The following RANBP1 variants were observed in gnomAD, a reference collection of about 807,000 sequenced individuals.
The protein encoded by RANBP1 is RAN binding protein 1.
Under a neutral mutation model 31.4 loss-of-function variants are expected in RANBP1, and 16 were observed. The ratio of observed to expected loss-of-function variants is 0.51; its 90% CI spans 0.34 to 0.77. The LOEUF (loss-of-function observed/expected upper bound fraction) is 0.77, where lower values mean the gene tolerates loss of function less well. Ranked by LOEUF, RANBP1 falls within the 30% of genes least tolerant of loss-of-function variation. The probability of loss-of-function intolerance (pLI) is 0.01; values close to 1 mark genes in which losing one functional copy is unlikely to be tolerated. For synonymous variants in RANBP1, 129 were observed against 140.5 expected, an observed-to-expected ratio of 0.92 and a Z score of 0.58; for missense variants, 265 against 362.0, an observed-to-expected ratio of 0.73 and a Z score of 2.17.
chr22:20,117,097 C>T (rs2050050865), intron 1 of RANBP1: 3 of 727,850 alleles, frequency 4.1e-6, no homozygotes, highest in East Asian at 5.5e-5. Flanking sequence ...GGACTCGAAC[C>T]TGCGATGCTC....
At chr22:20,117,792 C>G (rs2050073330) in intron 1 of RANBP1, 2 of 1,038,250 alleles carry the variant, frequency 1.9e-6, no homozygotes, top group African/African-American at 1.7e-5. Flanking sequence ...TCTGCTGGGC[C>G]TCGGTGGCGC....
rs758153400 is a variant in RANBP1, at chr22:20,127,127, G to A, written c.*75G>A. The A allele has an allele frequency of 5.2e-5, 66 of 1,261,342 alleles. No individual in the cohort carries two copies. The highest frequency in any genetic ancestry group is 5.9e-5 in the South Asian group (4 of 67,306). 78.1% of individuals were successfully genotyped at this position (1,261,342 alleles called of 1,614,324 possible). On this transcript the variant is annotated 3_prime_UTR_variant, in exon 6 of 6. Coordinates refer to ENST00000430524, the MANE Select transcript of RANBP1 (RefSeq NM_001278639.2). ...AAATTTTACCCTGCCCCTCTTTTTC[G>A]GTTTGTTTTTATTCTTTCATTTTTA...
intron 2 of RANBP1, chr22:20,119,527 CTGT>C (rs763330923): frequency 7.8e-4 from 172 of 221,538 alleles, no homozygotes; most frequent in Middle Eastern, 3.7e-3. Flanking sequence ...CACCCGGTGT[CTGT>C]TGTTGTTGTT....
At chr22:20,126,655 G>C in intron 5 of RANBP1, 1 of 1,513,674 alleles carries the variant, frequency 6.6e-7, no homozygotes, top group Non-Finnish European at 8.9e-7. Context: ...TTGTCTCTCA[G>C]AGGGCTTGGT....
intron 1 of RANBP1, among the ~76,000 whole-genome samples, chr22:20,118,751 C>T (rs1454798679): frequency 6.6e-6 from 1 of 152,230 alleles, no homozygotes; most frequent in African/African-American, 2.4e-5. Flanking sequence ...TCAGTCTGTG[C>T]ACAGATCTGA....
At chr22:20,125,731 T>A in intron 4 of RANBP1, 1 of 1,156,430 alleles carries the variant, frequency 8.6e-7, no homozygotes, top group Admixed American at 3.4e-5. Context: ...TCCCATTAGT[T>A]GTTGCGGAGC....
At chr22:20,121,540 G>A (rs944265690) in intron 2 of RANBP1, among the ~76,000 whole-genome samples, 1 of 149,590 alleles carries the variant, frequency 6.7e-6, no homozygotes, top group Non-Finnish European at 1.5e-5. Context: ...GGGCCACTGT[G>A]CCCTGTTTTG....
intron 1 of RANBP1, chr22:20,116,921 T>C: frequency 6.3e-7 from 1 of 1,592,028 alleles, no homozygotes. Flanking sequence ...CAGGCGGTTC[T>C]CCGCCTAGAC....
At chr22:20,118,252 C>T (rs899963366) in intron 1 of RANBP1, 1 of 1,002,534 alleles carries the variant, frequency 1.0e-6, no homozygotes. Context: ...CTTATGTTTT[C>T]TTTTCCAGTT....
intron 2 of RANBP1, among the ~76,000 whole-genome samples, 168 bp from the exon 3 acceptor site, chr22:20,122,096 T>G (rs1306352185): frequency 5.9e-5 from 9 of 152,138 alleles, no homozygotes; most frequent in Non-Finnish European, 1.2e-4. Flanking sequence ...GTTGGGCTGC[T>G]GCGCTTTCTG....
At chr22:20,120,508 C>A (rs188581171) in intron 2 of RANBP1, among the ~76,000 whole-genome samples, 2 of 152,190 alleles carry the variant, frequency 1.3e-5, no homozygotes, top group Non-Finnish European at 2.9e-5. Flanking sequence ...TGTTGGGGAA[C>A]CCTGTGAGAC....
At chr22:20,116,834 CTCCT>C in intron 1 of RANBP1, 1 of 1,534,920 alleles carries the variant, frequency 6.5e-7, no homozygotes, top group Non-Finnish European at 8.9e-7. Flanking sequence ...CCCACCCCGC[CTCCT>C]CCCACCCCAT....
At chr22:20,116,533 G>T in intron 1 of RANBP1, 103 bp downstream of exon 1, 1 of 1,603,702 alleles carries the variant, frequency 6.2e-7, no homozygotes. Flanking sequence ...GGCTGCCGGG[G>T]CTGCAGGGGG....
intron 3 of RANBP1, chr22:20,124,848 C>T (rs1267328564): frequency 5.5e-6 from 1 of 181,218 alleles, no homozygotes; most frequent in Admixed American, 6.2e-5. Context: ...GCCCCCTGGG[C>T]CTTGTGCCCT....
rs756998095 is a variant in RANBP1, at chr22:20,122,294, G to C, written c.414G>C (p.Glu138Asp). The C allele has an allele frequency of 7.4e-6, 12 of 1,613,116 alleles. No individual in the cohort carries two copies. The South Asian group carries it at 1.3e-4, about 18-fold the overall frequency. Residue 138 changes from glutamate to aspartate, a missense_variant, in exon 3 of 6, where the codon GAG (glutamate) becomes GAC (aspartate). Physicochemically the swap from Glu to Asp is conservative, Grantham distance 45. Coordinates refer to ENST00000430524, the MANE Select transcript of RANBP1 (RefSeq NM_001278639.2). Reference protein sequence around the residue: ...MRAKLFRFASENDLPEWKERG... With the variant: ...MRAKLFRFASDNDLPEWKERG... ...CAAAACTGTTCCGATTTGCCTCTGA[G>C]AACGATCTCCCAGAATGGAAGGAGC...
At chr22:20,126,706 T>C (rs1440005670) in intron 5 of RANBP1, 1 of 1,490,224 alleles carries the variant, frequency 6.7e-7, no homozygotes, top group Admixed American at 2.0e-5. Flanking sequence ...TGGTGGCAAG[T>C]GACCAGATGT....
chr22:20,126,923 T>C, intron 5 of RANBP1, 29 bp from the exon 6 acceptor site: 4 of 1,606,948 alleles, frequency 2.5e-6, no homozygotes, highest in Non-Finnish European at 3.4e-6. Context: ...CGTGCTTCTG[T>C]TTTCTCACTG....
Position 20,122,297 on chromosome 22 carries a change from C to T in RANBP1, c.417C>T (p.Asn139=), listed in dbSNP as rs780553405. 189 of 1,613,116 alleles carry T rather than the reference C, an allele frequency of 1.2e-4. No homozygotes were observed. The highest frequency in any genetic ancestry group is 1.3e-4 in the South Asian group (12 of 91,078). The change falls in exon 3 of 6, where the codon AAC becomes AAT. Residue 139 remains asparagine (N), a synonymous_variant. Coordinates refer to ENST00000430524, the MANE Select transcript of RANBP1 (RefSeq NM_001278639.2). The part of the protein sequence containing the change: ...RAKLFRFASE[N]DLPEWKERGT... ...AACTGTTCCGATTTGCCTCTGAGAA[C>T]GATCTCCCAGAATGGAAGGAGCGAG...
intron 2 of RANBP1, 81 bp downstream of exon 2, chr22:20,119,230 C>A: frequency 1.4e-6 from 2 of 1,385,904 alleles, no homozygotes; most frequent in South Asian, 1.2e-5. Context: ...TTTGGCCTGA[C>A]TTTTAATCAG....
Sources: allele counts gnomAD v4.1 joint callset (sites outside exome capture counted in the v4.1 genomes callset), GRCh38; gene constraint gnomAD v4.1.1; transcripts MANE v1.5; gene names NCBI Gene and HGNC (gene_info 2026-07-23, HGNC 2026-07-21).